Variants in KCNQ1 observed in about 807,000 individuals in gnomAD.
The protein encoded by KCNQ1 is potassium voltage-gated channel subfamily KQT member 1.
In KCNQ1, 49 loss-of-function variants were observed where a neutral mutation model predicts 72.4. The observed-to-expected ratio is 0.68, with a 90% confidence interval of 0.54 to 0.86. The LOEUF (loss-of-function observed/expected upper bound fraction) is 0.86, where lower values mean the gene tolerates loss of function less well. KCNQ1 is among the 40% of genes least tolerant of loss of function. The pLI is 0.00. For missense variants in KCNQ1, 790 were observed against 945.1 expected (o/e 0.84, Z 2.15); for synonymous variants, 450 against 412.6 (o/e 1.09, Z -1.10).
Position 2,673,849 on chromosome 11 carries a change from T to C in KCNQ1, c.1514+11768T>C, listed in dbSNP as rs1850234694. 2.5e-6 allele frequency: 1 copy of C among 398,030 alleles called. No individual in the cohort carries two copies. Among genetic ancestry groups the C allele is most frequent in the African/African-American group, 2.1e-5 (1 of 48,432 alleles). The allele number at this position is 398,030 out of a possible 1,614,324, so 24.7% of individuals were successfully genotyped here. On this transcript the variant is annotated intron_variant, in intron 11 of 15. Transcript: ENST00000155840. The surrounding 1 kb of genome is among the most constrained non-coding windows in gnomAD (Gnocchi z 4.5). ...AGCACCACAGCCAGGAGAGTCAAGG[T>C]TGGATATGAAGAGGGACTTCCTGAA...
intron 1 of KCNQ1, among the ~76,000 whole-genome samples, chr11:2,518,014 C>T (rs1439186243): frequency 1.3e-5 from 2 of 152,272 alleles, no homozygotes; most frequent in African/African-American, 4.8e-5. Context: ...CGGAGGCCTG[C>T]ATGGAGGAGG....
intron 15 of KCNQ1, among the ~76,000 whole-genome samples, chr11:2,812,105 C>A (rs1847499692): frequency 6.6e-6 from 1 of 152,178 alleles, no homozygotes; most frequent in African/African-American, 2.4e-5. Flanking sequence ...GGCACCCATG[C>A]TCCCTGCACT....
intron 15 of KCNQ1, among the ~76,000 whole-genome samples, chr11:2,845,108 G>C (rs368261918): frequency 5.9e-5 from 9 of 152,302 alleles, no homozygotes; most frequent in African/African-American, 2.2e-4. Context: ...TGAGCAGGTC[G>C]TGGGACTGAG....
chr11:2,661,643 GT>G lies in KCNQ1; in HGVS notation c.1394-316del. ...TGTTTTATTCTTGACCCAAGTGTCA[GT>G]TGTGAACATGGGAAGAGGCCCAGAA... On this transcript the variant is annotated intron_variant, in intron 10 of 15. Transcript: ENST00000155840. This position sits in a 1 kb window ranked among gnomAD's most constrained non-coding sequence, Gnocchi z 5.9. 5.0e-6 allele frequency: 3 copies of G among 594,856 alleles called. No individual in the cohort carries two copies. The highest frequency in any genetic ancestry group is 9.0e-6 in the Non-Finnish European group (3 of 333,838). The allele number at this position is 594,856 out of a possible 1,614,324, so 36.8% of individuals were successfully genotyped here.
rs1309314633 is a variant in KCNQ1 at position 2,603,055 on chromosome 11, A to T, written c.1393+14201A>T. ...TGGAGATATAGTTTACATACCATAC[A>T]ATTCACCCATTTAAAGAATATAATT... On this transcript the variant is annotated intron_variant, in intron 10 of 15. Coordinates refer to ENST00000155840, the MANE Select transcript of KCNQ1 (RefSeq NM_000218.3). The surrounding 1 kb of genome is among the most constrained non-coding windows in gnomAD (Gnocchi z 4.1). Among the ~76,000 whole-genome samples, 1 of 152,198 alleles carries T rather than the reference A, an allele frequency of 6.6e-6. No individual in the cohort carries two copies.
At chr11:2,648,513 C>G (rs926273234) in intron 10 of KCNQ1, 12 of 398,220 alleles carry the variant, frequency 3.0e-5, no homozygotes, top group Non-Finnish European at 4.9e-5. Context: ...TTTTTAAAAT[C>G]AATTTCTTCA....
intron 11 of KCNQ1, among the ~76,000 whole-genome samples, chr11:2,716,393 A>G (rs1247071055): frequency 6.6e-6 from 1 of 152,130 alleles, no homozygotes; most frequent in Non-Finnish European, 1.5e-5. Flanking sequence ...CACAGTGGGA[A>G]AAGGTGGCCC....
intron 11 of KCNQ1, 108 bp downstream of exon 11, chr11:2,662,189 C>T (rs1402502741): frequency 1.2e-5 from 18 of 1,467,896 alleles, no homozygotes; most frequent in East Asian, 2.3e-5. Flanking sequence ...GCTATCTACT[C>T]GCCTAGTGCC....
intron 2 of KCNQ1, among the ~76,000 whole-genome samples, chr11:2,540,934 C>A (rs1047246203): frequency 6.6e-6 from 1 of 152,216 alleles, no homozygotes; most frequent in Non-Finnish European, 1.5e-5. Context: ...AAAACACACT[C>A]GTGTCCAGCC....
rs150411047 is a variant in KCNQ1, at chr11:2,531,538, C to T, written c.477+3520C>T. Among the ~76,000 whole-genome samples the T allele has an allele frequency of 4.7e-3, 718 of 152,304 alleles. 6 individuals are homozygous for T. Among genetic ancestry groups the T allele is most frequent in the African/African-American group, 0.016 (665 of 41,562 alleles). ...TCCCAGCAGCCCTGCCCACTGTCTG[C>T]GCATCCCTGGGGTCTGTGCGCCACC... On this transcript the variant is annotated intron_variant, in intron 2 of 15. Coordinates refer to ENST00000155840, the MANE Select transcript of KCNQ1 (RefSeq NM_000218.3).
rs139224079 is a variant in KCNQ1, at chr11:2,644,351, T to C, written c.1394-17610T>C. Reference sequence around the variant, plus strand: ...GTGTGAAATTCTTTCTTCTGCTTGTTGTGGTCTGTTATTGAAGCTTTCAAA... The same window carrying C: ...GTGTGAAATTCTTTCTTCTGCTTGTCGTGGTCTGTTATTGAAGCTTTCAAA... On this transcript the variant is annotated intron_variant, in intron 10 of 15. Transcript: ENST00000155840. 2.9e-3 allele frequency: 1,147 copies of C among 398,344 alleles called. 6 individuals are homozygous for C. Among genetic ancestry groups the C allele is most frequent in the African/African-American group, 0.021 (1,003 of 48,700 alleles). 24.7% of individuals were successfully genotyped at this position (398,344 alleles called of 1,614,324 possible).
In KCNQ1 at chr11:2,759,073, C is replaced by T. The variant is rs1465583639; in HGVS notation, c.1515-9771C>T. 6.6e-6 allele frequency among the ~76,000 whole-genome samples: 1 copy of T among 151,678 alleles called. No homozygotes were observed. Among genetic ancestry groups the T allele is most frequent in the Non-Finnish European group, 1.5e-5 (1 of 68,020 alleles). On this transcript the variant is annotated intron_variant, in intron 11 of 15. Coordinates refer to ENST00000155840, the MANE Select transcript of KCNQ1 (RefSeq NM_000218.3). This position sits in a 1 kb window ranked among gnomAD's most constrained non-coding sequence, Gnocchi z 4.4. ...CCACCCATGCAAGGTGTGACCGTCG[C>T]GAACTCACGTAGAGGGCATACAGGA...
chr11:2,751,380 C>A (rs1311466707), intron 11 of KCNQ1, among the ~76,000 whole-genome samples: 1 of 152,224 alleles, frequency 6.6e-6, no homozygotes, highest in South Asian at 2.1e-4. Context: ...GGTGGGCTCC[C>A]GGAAGGGGGC....
At chr11:2,576,487 C>G (rs1010638294) in intron 6 of KCNQ1, among the ~76,000 whole-genome samples, 1 of 152,248 alleles carries the variant, frequency 6.6e-6, no homozygotes, top group Admixed American at 6.5e-5. Flanking sequence ...CTCTGTTCAG[C>G]GCCCGGGGGT....
In KCNQ1 at chr11:2,772,005, A is replaced by T. The variant is rs1235457414; in HGVS notation, c.1590+3086A>T. Among the ~76,000 whole-genome samples, 1 of 152,156 alleles carries T rather than the reference A, an allele frequency of 6.6e-6. No individual in the cohort carries two copies. The highest frequency in any genetic ancestry group is 6.5e-5 in the Admixed American group (1 of 15,290). On this transcript the variant is annotated intron_variant, in intron 12 of 15. Transcript: ENST00000155840. The surrounding 1 kb of genome is among the most constrained non-coding windows in gnomAD (Gnocchi z 6.6). ...CTGGGAGCCTTGCAGAAACCTGGCA[A>T]CAGCAGGATCCTCGCAGGGCACAGA...
chr11:2,777,512 G>T, intron 14 of KCNQ1: 1 of 539,518 alleles, frequency 1.9e-6, no homozygotes, highest in Non-Finnish European at 3.2e-6. Context: ...ACGGGGCTGT[G>T]AGTCATTCCG....
rs548627340 is a variant in KCNQ1, at chr11:2,470,045, C to G, written c.386+24561C>G. The stretch of plus-strand genomic sequence containing the variant: ...GGTGCTATGACGGCTCACTGCAGTT[C>G]CAACTCCTGGGCTCAAGCCATCCTC... On this transcript the variant is annotated intron_variant, in intron 1 of 15. Coordinates refer to ENST00000155840, the MANE Select transcript of KCNQ1 (RefSeq NM_000218.3). Among the ~76,000 whole-genome samples the G allele has an allele frequency of 1.1e-3, 167 of 152,244 alleles. 2 individuals carry two copies. The highest frequency in any genetic ancestry group is 3.9e-3 in the African/African-American group (161 of 41,562).
At chr11:2,733,773 TCCACAC>T (rs766047501) in intron 11 of KCNQ1, among the ~76,000 whole-genome samples, 1,764 of 57,952 alleles carry the variant, frequency 0.03, 38 homozygotes, top group East Asian at 0.088. Context: ...CTTCAGGCCT[TCCACAC>T]ACACACACAC....
At position 2,627,636 on chromosome 11, in the gene KCNQ1, T is replaced by C; in HGVS notation, c.1394-34325T>C. 7.5e-6 allele frequency: 3 copies of C among 398,626 alleles called. No homozygotes were observed. Among genetic ancestry groups the C allele is most frequent in the Non-Finnish European group, 1.3e-5 (3 of 226,068 alleles). The allele number at this position is 398,626 out of a possible 1,614,324, so 24.7% of individuals were successfully genotyped here. On this transcript the variant is annotated intron_variant, in intron 10 of 15. Coordinates refer to ENST00000155840, the MANE Select transcript of KCNQ1 (RefSeq NM_000218.3). The surrounding 1 kb of genome is among the most constrained non-coding windows in gnomAD (Gnocchi z 4.9). ...TGTCATAAATTGCATGATTTCCTGC[T>C]TTTTAAAGGATGAATATTTCATTGT...
Sources: allele counts gnomAD v4.1 joint callset (sites outside exome capture counted in the v4.1 genomes callset), GRCh38; gene constraint gnomAD v4.1.1; non-coding constraint Gnocchi (gnomAD v3.1); transcripts MANE v1.5; gene names NCBI Gene and HGNC (gene_info 2026-07-23, HGNC 2026-07-21).